The following C12orf75 variants were observed in gnomAD, a reference collection of about 807,000 sequenced individuals.
C12orf75 encodes the protein overexpressed in colon carcinoma 1 protein.
C12orf75 carries 4 observed loss-of-function variants against 11.4 expected under a neutral mutation model. The ratio of observed to expected loss-of-function variants is 0.35; its 90% CI spans 0.17 to 0.80. The LOEUF (loss-of-function observed/expected upper bound fraction) is 0.80, where lower values mean the gene tolerates loss of function less well. Among genes scored for constraint, C12orf75 ranks in the 30% least tolerant of loss-of-function variants. The pLI is 0.52. For synonymous variants in C12orf75, 30 were observed against 30.0 expected, an observed-to-expected ratio of 1.00 and a Z score of 0.00; for missense variants, 89 against 80.4, an observed-to-expected ratio of 1.11 and a Z score of -0.41.
At chr12:105,348,786 A>G (rs986097117) in intron 2 of C12orf75, among the ~76,000 whole-genome samples, 160 bp downstream of exon 2, 5 of 152,258 alleles carry the variant, frequency 3.3e-5, no homozygotes, top group African/African-American at 7.2e-5. Flanking sequence ...CTAAAGTGCT[A>G]TTCAGAGAGG....
intron 1 of C12orf75, among the ~76,000 whole-genome samples, chr12:105,337,844 T>C (rs1262008277): frequency 6.6e-6 from 1 of 152,170 alleles, no homozygotes; most frequent in East Asian, 1.9e-4. Context: ...GCCATATGAA[T>C]GCAGCTTTGA....
chr12:105,333,215 G>A (rs1301013542), intron 1 of C12orf75, among the ~76,000 whole-genome samples: 1 of 152,152 alleles, frequency 6.6e-6, no homozygotes, highest in African/African-American at 2.4e-5. Flanking sequence ...GCTGACTTTG[G>A]GATTTGGTCA....
At chr12:105,333,841 A>T (rs935045209) in intron 1 of C12orf75, among the ~76,000 whole-genome samples, 1 of 152,154 alleles carries the variant, frequency 6.6e-6, no homozygotes, top group African/African-American at 2.4e-5. Flanking sequence ...CATGGCAAAT[A>T]TTTTTTGATG....
intron 1 of C12orf75, among the ~76,000 whole-genome samples, chr12:105,335,686 C>T (rs934003390): frequency 2.6e-5 from 4 of 151,558 alleles, no homozygotes; most frequent in Non-Finnish European, 1.5e-5. Flanking sequence ...CTCTTGTTTT[C>T]TCTCTGTGTG....
intron 1 of C12orf75, among the ~76,000 whole-genome samples, chr12:105,337,722 A>T (rs949094487): frequency 2.0e-5 from 3 of 152,246 alleles, no homozygotes; most frequent in Non-Finnish European, 2.9e-5. Flanking sequence ...ACCCCTGGTT[A>T]CGTGACTCTA....
chr12:105,363,440 A>T (rs1418063221), intron 2 of C12orf75, among the ~76,000 whole-genome samples: 1 of 152,218 alleles, frequency 6.6e-6, no homozygotes, highest in African/African-American at 2.4e-5. Context: ...AAAAGAGTGG[A>T]TATCTGGCCG....
chr12:105,357,786 G>GTGTGTGTGTA, intron 2 of C12orf75, among the ~76,000 whole-genome samples: 1 of 144,758 alleles, frequency 6.9e-6, no homozygotes, highest in Non-Finnish European at 1.5e-5. Flanking sequence ...TTCTGTGTGT[G>GTGTGTGTGTA]TGTGTGTGTG....
At chr12:105,365,410 T>A (rs1370826411) in intron 2 of C12orf75, among the ~76,000 whole-genome samples, 1 of 152,220 alleles carries the variant, frequency 6.6e-6, no homozygotes, top group East Asian at 1.9e-4. Context: ...TCAACCAGCT[T>A]ATTTTACAAA....
At chr12:105,351,604 C>A (rs1240416921) in intron 2 of C12orf75, among the ~76,000 whole-genome samples, 1 of 152,028 alleles carries the variant, frequency 6.6e-6, no homozygotes, top group Admixed American at 6.6e-5. Flanking sequence ...GAATTTAATG[C>A]TGGTCTTGGA....
intron 2 of C12orf75, among the ~76,000 whole-genome samples, chr12:105,355,168 CTT>C (rs200950023): frequency 4.0e-5 from 3 of 74,226 alleles, no homozygotes; most frequent in Non-Finnish European, 9.1e-5. Context: ...ATTTCTTTTT[CTT>C]TTTCTTTTTC....
rs1041901390 is a variant in C12orf75, at chr12:105,330,863, G to A, written c.-29G>A. 17 of 1,252,646 alleles carry A rather than the reference G, an allele frequency of 1.4e-5. No homozygotes were observed. The African/African-American group carries it at 2.3e-4, about 17-fold the overall frequency. 77.6% of individuals were successfully genotyped at this position (1,252,646 alleles called of 1,614,324 possible). ...CCCAGGACCCGCGGCCGAGAGCTCC[G>A]GAGCGCGGCTTCCCCGGCCGGCTGC... is the stretch of plus-strand genomic sequence containing the variant. On this transcript the variant is annotated 5_prime_UTR_variant, in exon 1 of 6. Transcript: ENST00000443585.
chr12:105,357,145 T>C (rs1349753636), intron 2 of C12orf75, among the ~76,000 whole-genome samples: 1 of 152,144 alleles, frequency 6.6e-6, no homozygotes, highest in African/African-American at 2.4e-5. Context: ...AAAAAGTCTG[T>C]GACCCTAGTA....
chr12:105,359,396 T>C (rs1892828426), intron 2 of C12orf75, among the ~76,000 whole-genome samples: 1 of 152,108 alleles, frequency 6.6e-6, no homozygotes, highest in South Asian at 2.1e-4. Flanking sequence ...CATTTTCCAG[T>C]TTTTAGTGCG....
At chr12:105,368,847 C>T (rs931808226) in intron 5 of C12orf75, among the ~76,000 whole-genome samples, 1 of 152,154 alleles carries the variant, frequency 6.6e-6, no homozygotes, top group African/African-American at 2.4e-5. Flanking sequence ...TTTATCCCCT[C>T]GTACCCATGA....
chr12:105,331,315 C>G (rs905395662), intron 1 of C12orf75, among the ~76,000 whole-genome samples: 1 of 151,952 alleles, frequency 6.6e-6, no homozygotes, highest in Non-Finnish European at 1.5e-5. Flanking sequence ...GCCTCTCCCC[C>G]ATCTCCTCGG....
chr12:105,354,632 C>T (rs1461381933), intron 2 of C12orf75, among the ~76,000 whole-genome samples: 3 of 152,192 alleles, frequency 2.0e-5, no homozygotes, highest in African/African-American at 7.2e-5. Context: ...GGGCCTCTGA[C>T]ATGAATACTT....
At chr12:105,365,002 A>T (rs1320057936) in intron 2 of C12orf75, among the ~76,000 whole-genome samples, 1 of 151,766 alleles carries the variant, frequency 6.6e-6, no homozygotes, top group Non-Finnish European at 1.5e-5. Context: ...ATGCCTGGCT[A>T]ATTTTTGTAT....
At chr12:105,362,978 C>T (rs1236037151) in intron 2 of C12orf75, among the ~76,000 whole-genome samples, 3 of 152,208 alleles carry the variant, frequency 2.0e-5, no homozygotes, top group African/African-American at 7.2e-5. Flanking sequence ...AAAGCTTTTG[C>T]AAAAGCAGTA....
intron 1 of C12orf75, among the ~76,000 whole-genome samples, chr12:105,332,586 C>T (rs1892445325): frequency 6.6e-6 from 1 of 151,930 alleles, no homozygotes; most frequent in Admixed American, 6.6e-5. Flanking sequence ...ACAAAATTAG[C>T]TGGGCGTGGT....
Sources: allele counts gnomAD v4.1 joint callset (sites outside exome capture counted in the v4.1 genomes callset), GRCh38; gene constraint gnomAD v4.1.1; transcripts MANE v1.5; gene names NCBI Gene and HGNC (gene_info 2026-07-23, HGNC 2026-07-21).